PRKG1: variants seen among roughly 807,000 people sequenced by gnomAD.
The protein encoded by PRKG1 is protein kinase cGMP-dependent 1.
PRKG1 carries 35 observed loss-of-function variants against 88.1 expected under a neutral mutation model. The observed-to-expected ratio is 0.40, with a 90% CI of 0.30 to 0.53. The LOEUF is 0.53. Among genes scored for constraint, PRKG1 ranks in the 20% least tolerant of loss-of-function variants. The pLI, the probability that PRKG1 is intolerant of heterozygous loss-of-function variation, is 0.59. For synonymous variants in PRKG1, 303 were observed against 292.5 expected (o/e 1.04, Z -0.37); for missense variants, 540 against 839.8 (o/e 0.64, Z 4.41).
intron 7 of PRKG1, among the ~76,000 whole-genome samples, chr10:52,118,396 T>C (rs982966429): frequency 9.9e-5 from 15 of 152,104 alleles, no homozygotes; most frequent in African/African-American, 3.4e-4. Flanking sequence ...AAACTTTTAA[T>C]GCATACATAT....
intron 9 of PRKG1, among the ~76,000 whole-genome samples, chr10:52,163,382 A>T (rs544368078): frequency 6.7e-6 from 1 of 150,336 alleles, no homozygotes; most frequent in Non-Finnish European, 1.5e-5. Context: ...ATATACATGT[A>T]TATGCATATA....
chr10:51,948,052 A>G (rs1843094290), intron 5 of PRKG1, among the ~76,000 whole-genome samples: 1 of 152,118 alleles, frequency 6.6e-6, no homozygotes, highest in Non-Finnish European at 1.5e-5. Flanking sequence ...TTTTTTATAA[A>G]TGGTATTTAT....
At chr10:51,264,701 C>A (rs1839795837) in intron 2 of PRKG1, among the ~76,000 whole-genome samples, 1 of 151,998 alleles carries the variant, frequency 6.6e-6, no homozygotes, top group Non-Finnish European at 1.5e-5. Context: ...TTGGAATCTT[C>A]AAGTAATAGT....
intron 3 of PRKG1, among the ~76,000 whole-genome samples, chr10:51,667,969 T>G (rs370029300): frequency 1.1e-4 from 16 of 143,688 alleles, no homozygotes; most frequent in African/African-American, 3.4e-4. Flanking sequence ...TTCCAGCTCT[T>G]TTTTTTTTCC....
chr10:51,308,688 T>G (rs1280883000), intron 2 of PRKG1, among the ~76,000 whole-genome samples: 1 of 152,020 alleles, frequency 6.6e-6, no homozygotes, highest in African/African-American at 2.4e-5. Flanking sequence ...ATTGTTCAAG[T>G]AGGTTGAGGA....
chr10:52,072,080 G>A (rs1846510024), intron 7 of PRKG1, among the ~76,000 whole-genome samples: 1 of 149,056 alleles, frequency 6.7e-6, no homozygotes, highest in East Asian at 2.0e-4. Context: ...TATGACTCCT[G>A]TGCGGCTCCA....
At chr10:51,085,063 G>T (rs190833436) in intron 1 of PRKG1, among the ~76,000 whole-genome samples, 4 of 152,080 alleles carry the variant, frequency 2.6e-5, no homozygotes, top group African/African-American at 9.7e-5. Context: ...AGAAAATATG[G>T]CCAGGACAAA....
chr10:52,002,515 A>G (rs1024205775), intron 5 of PRKG1, among the ~76,000 whole-genome samples: 1 of 151,996 alleles, frequency 6.6e-6, no homozygotes, highest in Non-Finnish European at 1.5e-5. Context: ...ACTCAATGGC[A>G]CTGTGCTGTT....
Position 51,748,821 on chromosome 10 carries a change from T to A in PRKG1, c.593-55764T>A, listed in dbSNP as rs74437574. The stretch of plus-strand genomic sequence containing the variant: ...TACAATCCAGGTAACCAAACATATG[T>A]AACACTCTCAAAATAGCATCCAATC... On this transcript the variant is annotated intron_variant, in intron 3 of 17. Coordinates refer to ENST00000373980, the MANE Select transcript of PRKG1 (RefSeq NM_006258.4). 3.6e-3 allele frequency among the ~76,000 whole-genome samples: 552 copies of A among 152,312 alleles called. 4 individuals are homozygous for A. Among genetic ancestry groups the A allele is most frequent in the African/African-American group, 0.013 (528 of 41,582 alleles).
At chr10:51,177,000 A>G (rs9414865) in intron 2 of PRKG1, among the ~76,000 whole-genome samples, 9,993 of 152,228 alleles carry the variant, frequency 0.066, 684 homozygotes, top group African/African-American at 0.17. Context: ...AAGACATAAA[A>G]GAAAACAGAA....
intron 2 of PRKG1, among the ~76,000 whole-genome samples, chr10:51,413,970 C>T (rs778171485): frequency 2.0e-5 from 3 of 152,138 alleles, no homozygotes; most frequent in East Asian, 1.9e-4. Flanking sequence ...AGGGCATGAA[C>T]GTCACATGGA....
At chr10:51,577,935 G>C (rs1837929975) in intron 3 of PRKG1, among the ~76,000 whole-genome samples, 3 of 151,990 alleles carry the variant, frequency 2.0e-5, no homozygotes, top group African/African-American at 7.2e-5. Context: ...CAGTAACAGA[G>C]GTACTAAATC....
chr10:51,190,839 C>G (rs935324714), intron 2 of PRKG1, among the ~76,000 whole-genome samples: 1 of 151,764 alleles, frequency 6.6e-6, no homozygotes, highest in African/African-American at 2.4e-5. Context: ...AGTACAAATC[C>G]TTCCCATATT....
intron 1 of PRKG1, among the ~76,000 whole-genome samples, chr10:51,037,853 T>A (rs1843371229): frequency 6.6e-6 from 1 of 152,188 alleles, no homozygotes; most frequent in Non-Finnish European, 1.5e-5. Flanking sequence ...AAGTGTACAT[T>A]CAAAGGCAAT....
intron 2 of PRKG1, among the ~76,000 whole-genome samples, chr10:51,218,490 CATATATATATATATATATATAT>C (rs869105973): frequency 7.4e-5 from 3 of 40,780 alleles, no homozygotes; most frequent in Non-Finnish European, 1.3e-4. Context: ...CATCTATCTT[CATATATATATATATATATATAT>C]ATATATATAT....
chr10:51,245,182 A>G (rs950713692), intron 2 of PRKG1: 3 of 152,018 alleles, frequency 2.0e-5, no homozygotes, highest in African/African-American at 7.2e-5. Flanking sequence ...AAGACATCAC[A>G]CATTTTACTA....
intron 5 of PRKG1, among the ~76,000 whole-genome samples, chr10:51,983,097 T>C (rs1844055636): frequency 6.6e-6 from 1 of 152,194 alleles, no homozygotes; most frequent in Non-Finnish European, 1.5e-5. Context: ...GGGAGGGGGT[T>C]GGTCGGCTGT....
At chr10:51,545,412 G>A (rs1207331954) in intron 3 of PRKG1, among the ~76,000 whole-genome samples, 1 of 152,108 alleles carries the variant, frequency 6.6e-6, no homozygotes, top group Admixed American at 6.6e-5. Flanking sequence ...AACTGTGTGA[G>A]TGCTCTTCAC....
chr10:51,053,729 T>C (rs989712274), intron 1 of PRKG1, among the ~76,000 whole-genome samples: 1 of 152,060 alleles, frequency 6.6e-6, no homozygotes, highest in African/African-American at 2.4e-5. Flanking sequence ...AGCTTCATAA[T>C]TGCTTGACCA....
Sources: gnomAD v4.1 joint callset for allele counts (sites outside exome capture counted in the v4.1 genomes callset) on GRCh38, gnomAD v4.1.1 for gene constraint, MANE v1.5 for transcripts, NCBI Gene and HGNC (gene_info 2026-07-23, HGNC 2026-07-21) for gene names.